NAV1: variants seen among roughly 807,000 people sequenced by gnomAD.
NAV1 encodes neuron navigator 1.
NAV1 carries 18 observed loss-of-function variants against 175.2 expected under a neutral mutation model. The ratio of observed to expected loss-of-function variants is 0.10; its 90% confidence interval spans 0.07 to 0.15. The LOEUF (loss-of-function observed/expected upper bound fraction) is 0.15, where lower values mean the gene tolerates loss of function less well. Ranked by LOEUF, NAV1 falls within the 10% of genes least tolerant of loss-of-function variation. The probability of loss-of-function intolerance (pLI) is 1.00; values close to 1 mark genes in which losing one functional copy is unlikely to be tolerated. For synonymous variants in NAV1, 897 were observed against 978.7 expected, an observed-to-expected ratio of 0.92 and a Z score of 1.56; for missense variants, 1,731 against 2,436.6, an observed-to-expected ratio of 0.71 and a Z score of 6.10.
chr1:201,671,521 A>C (rs1670045310), intron 1 of NAV1, among the ~76,000 whole-genome samples: 3 of 152,210 alleles, frequency 2.0e-5, no homozygotes, highest in African/African-American at 7.2e-5. Context: ...TGAGCAAGTC[A>C]TTCTACCTCC....
At chr1:201,703,552 A>G (rs1043464091) in intron 1 of NAV1, among the ~76,000 whole-genome samples, 1 of 152,230 alleles carries the variant, frequency 6.6e-6, no homozygotes, top group Non-Finnish European at 1.5e-5. Context: ...CTGGTCCCAC[A>G]GTCCTCCGCA....
In NAV1 at chr1:201,755,351, G is replaced by A. The variant is rs139645848; in HGVS notation, c.1227-25070G>A. Among the ~76,000 whole-genome samples the A allele has an allele frequency of 3.2e-3, 494 of 152,226 alleles. 4 individuals carry two copies. Among genetic ancestry groups the A allele is most frequent in the African/African-American group, 0.011 (465 of 41,540 alleles). The stretch of plus-strand genomic sequence containing the variant: ...AGTTACTTGCCTGAGGCAAGAGGAG[G>A]TCAAGGCTGCAGTGAGCCATGATTA... On this transcript the variant is annotated intron_variant, in intron 3 of 29. Transcript: ENST00000367296.
At chr1:201,570,849 AG>A (rs1666519559) in intron 1 of NAV1, among the ~76,000 whole-genome samples, 1 of 152,232 alleles carries the variant, frequency 6.6e-6, no homozygotes, top group African/African-American at 2.4e-5. Flanking sequence ...CTGGAACCTC[AG>A]GCCTGACAAC....
chr1:201,756,837 TTTCTTTCTTTC>T (rs1674519328), intron 3 of NAV1, among the ~76,000 whole-genome samples: 2 of 112,642 alleles, frequency 1.8e-5, no homozygotes, highest in African/African-American at 6.1e-5. Context: ...TCTTTCTTTC[TTTCTTTCTTTC>T]TTTCTTTCTT....
chr1:201,592,214 C>T (rs565226448), intron 2 of NAV1, among the ~76,000 whole-genome samples: 20 of 152,334 alleles, frequency 1.3e-4, no homozygotes, highest in African/African-American at 4.8e-4. Context: ...CTCACTGCCT[C>T]CCGCTAGCAC....
At chr1:201,814,911 C>T (rs1032026800) in intron 28 of NAV1, among the ~76,000 whole-genome samples, 19 of 151,320 alleles carry the variant, frequency 1.3e-4, no homozygotes, top group Non-Finnish European at 2.4e-4. Context: ...TGGTGGTGGG[C>T]ACCTGTAGTC....
At chr1:201,696,391 A>C (rs956232882) in intron 1 of NAV1, among the ~76,000 whole-genome samples, 4 of 152,168 alleles carry the variant, frequency 2.6e-5, no homozygotes, top group African/African-American at 9.7e-5. Flanking sequence ...ACGCTCTAGG[A>C]AGGTTCTTCC....
At chr1:201,673,500 C>G (rs571723) in intron 1 of NAV1, 21,889 of 152,210 alleles carry the variant, frequency 0.14, 1,736 homozygotes, top group African/African-American at 0.2. Flanking sequence ...CTTTTCACAG[C>G]TGGGAGGGTC....
chr1:201,716,448 G>A (rs561913119), intron 2 of NAV1, among the ~76,000 whole-genome samples: 14 of 152,332 alleles, frequency 9.2e-5, no homozygotes, highest in African/African-American at 1.2e-4. Context: ...AGACAAAGTC[G>A]CACCATCACT....
intron 1 of NAV1, among the ~76,000 whole-genome samples, chr1:201,587,979 C>T (rs1038292370): frequency 8.5e-5 from 13 of 152,094 alleles, no homozygotes; most frequent in Non-Finnish European, 1.6e-4. Flanking sequence ...TGTAAAATGG[C>T]GCAGCAGCTT....
chr1:201,727,621 G>A (rs1672664199), intron 3 of NAV1, among the ~76,000 whole-genome samples: 2 of 152,232 alleles, frequency 1.3e-5, no homozygotes, highest in Admixed American at 6.5e-5. Context: ...CTTGAGACAA[G>A]GATTTGGGTG....
intron 1 of NAV1, among the ~76,000 whole-genome samples, chr1:201,577,844 G>T (rs924125764): frequency 1.3e-5 from 2 of 152,052 alleles, no homozygotes; most frequent in Non-Finnish European, 2.9e-5. Context: ...TGTCCTCCGT[G>T]GTTTCCAATG....
intron 1 of NAV1, among the ~76,000 whole-genome samples, chr1:201,544,352 C>T (rs749567104): frequency 6.6e-6 from 1 of 152,248 alleles, no homozygotes; most frequent in African/African-American, 2.4e-5. Flanking sequence ...GTCGGTAATA[C>T]TGACCCACTT....
intron 1 of NAV1, among the ~76,000 whole-genome samples, chr1:201,668,988 C>T (rs745807052): frequency 5.9e-5 from 9 of 152,088 alleles, no homozygotes; most frequent in East Asian, 1.9e-4. Context: ...ATGGCCTAAG[C>T]GTGGCTGGAC....
intron 1 of NAV1, among the ~76,000 whole-genome samples, chr1:201,710,865 T>C (rs1571899899): frequency 1.3e-5 from 2 of 152,210 alleles, no homozygotes; most frequent in African/African-American, 2.4e-5. Context: ...TGAGTAACTC[T>C]TGATCACCTT....
At chr1:201,648,656 C>A (rs1413892712) in exon 1 of NAV1, 12 of 1,385,042 alleles carry the variant, frequency 8.7e-6, no homozygotes, top group Non-Finnish European at 1.1e-5. Context: ...TCCATGCGCT[C>A]CTCGCGGGCA....
chr1:201,702,770 C>G (rs764169790), intron 1 of NAV1, among the ~76,000 whole-genome samples: 3 of 150,426 alleles, frequency 2.0e-5, no homozygotes, highest in Non-Finnish European at 4.4e-5. Context: ...GGACTATGCG[C>G]TCTAGAGTCA....
intron 3 of NAV1, among the ~76,000 whole-genome samples, chr1:201,769,330 C>T (rs1675416232): frequency 6.6e-6 from 1 of 152,212 alleles, no homozygotes; most frequent in Non-Finnish European, 1.5e-5. Flanking sequence ...CTCTCAGTCC[C>T]TGGGTCAAAT....
chr1:201,597,670 T>C (rs2102225576), intron 2 of NAV1, among the ~76,000 whole-genome samples: 1 of 152,318 alleles, frequency 6.6e-6, no homozygotes, highest in Non-Finnish European at 1.5e-5. Flanking sequence ...TGGGAGGACC[T>C]GAGGCACAGG....
Sources: gnomAD v4.1 joint callset for allele counts (sites outside exome capture counted in the v4.1 genomes callset) on GRCh38, gnomAD v4.1.1 for gene constraint, MANE v1.5 for transcripts, NCBI Gene and HGNC (gene_info 2026-07-23, HGNC 2026-07-21) for gene names.